Variants in WNT3A observed in about 807,000 individuals in gnomAD.
WNT3A encodes the protein Wnt family member 3A, also known as protein Wnt-3a.
In WNT3A, 17 loss-of-function variants were observed where a neutral mutation model predicts 37.0. The observed-to-expected ratio is 0.46, with a 90% CI of 0.31 to 0.69. WNT3A has a LOEUF of 0.69. WNT3A is among the 30% of genes least tolerant of loss of function. The pLI is 0.05. For missense variants in WNT3A, 411 were observed against 510.2 expected (o/e 0.81, Z 1.87); for synonymous variants, 187 against 211.0 (o/e 0.89, Z 0.99).
chr1:228,018,659 T>C (rs2030601406), intron 1 of WNT3A, among the ~76,000 whole-genome samples: 1 of 152,192 alleles, frequency 6.6e-6, no homozygotes, highest in African/African-American at 2.4e-5. Flanking sequence ...TCCAAAGTGC[T>C]GAGATTACAG....
chr1:228,011,045 G>A (rs934648687), intron 1 of WNT3A, among the ~76,000 whole-genome samples: 18 of 152,284 alleles, frequency 1.2e-4, no homozygotes, highest in African/African-American at 3.8e-4. Flanking sequence ...CAGGCACTTC[G>A]CCCCTGTGTC....
In WNT3A at chr1:228,038,815, G is replaced by T. The variant is rs1226049079; in HGVS notation, c.314-11841G>T. Reference sequence around the variant, plus strand: ...AGTACAGGGAGACTGCTCCTCACTGGTGCATGGAAAGGGCTGGCAGATCAG... The same window carrying T: ...AGTACAGGGAGACTGCTCCTCACTGTTGCATGGAAAGGGCTGGCAGATCAG... On this transcript the variant is annotated intron_variant, in intron 2 of 3. Coordinates refer to ENST00000284523, the MANE Select transcript of WNT3A (RefSeq NM_033131.4). The surrounding 1 kb of genome is among the most constrained non-coding windows in gnomAD (Gnocchi z 5.7). Among the ~76,000 whole-genome samples the T allele has an allele frequency of 6.6e-6, 1 of 152,196 alleles. No homozygotes were observed.
intron 1 of WNT3A, among the ~76,000 whole-genome samples, chr1:228,011,412 C>A (rs1187642610): frequency 6.6e-6 from 1 of 152,160 alleles, no homozygotes; most frequent in Non-Finnish European, 1.5e-5. Flanking sequence ...ACCCTAGCCC[C>A]TTCTTCCTTC....
intron 2 of WNT3A, among the ~76,000 whole-genome samples, chr1:228,048,815 C>T (rs999202107): frequency 2.0e-5 from 3 of 152,176 alleles, no homozygotes; most frequent in Non-Finnish European, 4.4e-5. Flanking sequence ...CCCCAAGACA[C>T]AGCTCATTCT....
intron 1 of WNT3A, among the ~76,000 whole-genome samples, chr1:228,012,257 C>G (rs1040585283): frequency 6.6e-6 from 1 of 152,188 alleles, no homozygotes; most frequent in African/African-American, 2.4e-5. Flanking sequence ...AGGGCTCCCG[C>G]CATCTCCATC....
chr1:228,059,593 T>C lies in WNT3A; in HGVS notation c.*128T>C. 2.2e-6 allele frequency: 3 copies of C among 1,382,524 alleles called. No homozygotes were observed. Among genetic ancestry groups the C allele is most frequent in the East Asian group, 2.9e-5 (1 of 34,824 alleles). The allele number at this position is 1,382,524 out of a possible 1,614,324, so 85.6% of individuals were successfully genotyped here. On this transcript the variant is annotated 3_prime_UTR_variant, in exon 4 of 4. Transcript: ENST00000284523. ...TGGGGGCGGGACTCCTCCCTGGGGG[T>C]GGGGCTCCTACCTGGGGGCAGAACT...
chr1:228,024,519 T>C (rs1483498985), intron 2 of WNT3A, among the ~76,000 whole-genome samples: 1 of 152,232 alleles, frequency 6.6e-6, no homozygotes, highest in Non-Finnish European at 1.5e-5. Context: ...ATTCTTTGTC[T>C]TTTTGTTGTT....
intron 3 of WNT3A, among the ~76,000 whole-genome samples, chr1:228,055,007 G>A (rs914292946): frequency 2.7e-5 from 4 of 149,878 alleles, no homozygotes; most frequent in Non-Finnish European, 5.9e-5. Context: ...GGTAGTGCAC[G>A]CCTGTAATCC....
chr1:228,029,476 C>A (rs536752175), intron 2 of WNT3A, among the ~76,000 whole-genome samples: 4 of 152,102 alleles, frequency 2.6e-5, no homozygotes, highest in Non-Finnish European at 5.9e-5. Context: ...GACCATGGTG[C>A]CGAAGGAAGG....
intron 2 of WNT3A, among the ~76,000 whole-genome samples, chr1:228,033,320 T>A (rs529473330): frequency 6.6e-6 from 1 of 151,786 alleles, no homozygotes; most frequent in Admixed American, 6.5e-5. Flanking sequence ...TTTTAGTGCT[T>A]ACATCTCGGT....
intron 1 of WNT3A, among the ~76,000 whole-genome samples, chr1:228,015,571 G>A (rs950775521): frequency 7.2e-5 from 11 of 152,100 alleles, no homozygotes; most frequent in African/African-American, 9.7e-5. Flanking sequence ...GCCTCTCCCC[G>A]GGGACTGGGC....
At chr1:228,047,052 C>CA (rs1301414935) in intron 2 of WNT3A, among the ~76,000 whole-genome samples, 1 of 152,152 alleles carries the variant, frequency 6.6e-6, no homozygotes, top group African/African-American at 2.4e-5. Flanking sequence ...GCCCCAGGGC[C>CA]ACCTGGGAAG....
chr1:228,012,637 G>C (rs937794145), intron 1 of WNT3A, among the ~76,000 whole-genome samples: 1 of 152,140 alleles, frequency 6.6e-6, no homozygotes, highest in Non-Finnish European at 1.5e-5. Context: ...TGAAGGGCTG[G>C]TTGCTGTTTC....
rs867232012 is a variant in WNT3A at position 228,060,117 on chromosome 1, C to G, written c.*652C>G. The G allele has an allele frequency of 2.1e-5, 28 of 1,310,448 alleles. 1 individual carries two copies. The highest frequency in any genetic ancestry group is 1.5e-4 in the East Asian group (3 of 20,536). 81.2% of individuals were successfully genotyped at this position (1,310,448 alleles called of 1,614,324 possible). On this transcript the variant is annotated 3_prime_UTR_variant, in exon 4 of 4. Transcript: ENST00000284523. ...CCTGTGGGTGGGGCTTCTCTGGGAC[C>G]AGGCTCCAATGGGGCGGGGCTTCTC...
At chr1:228,052,492 G>A (rs2031576346) in intron 3 of WNT3A, among the ~76,000 whole-genome samples, 1 of 150,372 alleles carries the variant, frequency 6.7e-6, no homozygotes, top group African/African-American at 2.5e-5. Flanking sequence ...CAAACATTCA[G>A]ACCACAGCAG....
chr1:228,045,878 C>G (rs555367032), intron 2 of WNT3A, among the ~76,000 whole-genome samples: 1 of 152,216 alleles, frequency 6.6e-6, no homozygotes, highest in African/African-American at 2.4e-5. Context: ...TTCATTCTGG[C>G]CCCAGGAAAT....
At chr1:228,023,090 G>T (rs1001295130) in intron 2 of WNT3A, among the ~76,000 whole-genome samples, 182 bp downstream of exon 2, 3 of 152,236 alleles carry the variant, frequency 2.0e-5, no homozygotes, top group Non-Finnish European at 2.9e-5. Flanking sequence ...AGCCTGTGGG[G>T]TTATTCGGGT....
rs535153826 is a variant in WNT3A at position 228,031,087 on chromosome 1, C to T, written c.313+8179C>T. ...CTCCAGCATCCAGTGGCCATGGCCA[C>T]GCCCCAGCCCTCATCACGGGCCTGT... On this transcript the variant is annotated intron_variant, in intron 2 of 3. Coordinates refer to ENST00000284523, the MANE Select transcript of WNT3A (RefSeq NM_033131.4). This position sits in a 1 kb window ranked among gnomAD's most constrained non-coding sequence, Gnocchi z 4.8. Among the ~76,000 whole-genome samples the T allele has an allele frequency of 1.3e-5, 2 of 152,336 alleles. No individual in the cohort carries two copies. The highest frequency in any genetic ancestry group is 2.1e-4 in the South Asian group (1 of 4,832).
Position 228,038,540 on chromosome 1 carries a change from C to T in WNT3A, c.314-12116C>T, listed in dbSNP as rs1012052113. Among the ~76,000 whole-genome samples the T allele has an allele frequency of 1.1e-4, 17 of 152,184 alleles. No homozygotes were observed. The highest frequency in any genetic ancestry group is 4.1e-4 in the African/African-American group (17 of 41,442). ...CCCTGGCCAGTCTGGTCAGGTGGTC[C>T]TAGCTGGGATCCAAGGCACCCCCCT... On this transcript the variant is annotated intron_variant, in intron 2 of 3. Transcript: ENST00000284523. This position sits in a 1 kb window ranked among gnomAD's most constrained non-coding sequence, Gnocchi z 5.7.
Sources: gnomAD v4.1 joint callset for allele counts (sites outside exome capture counted in the v4.1 genomes callset) on GRCh38, gnomAD v4.1.1 for gene constraint, Gnocchi (gnomAD v3.1) non-coding constraint, MANE v1.5 for transcripts, NCBI Gene and HGNC (gene_info 2026-07-23, HGNC 2026-07-21) for gene names.